The following IL17RD variants were observed in gnomAD, a reference collection of about 807,000 sequenced individuals.
IL17RD encodes interleukin 17 receptor D, also known as interleukin-17 receptor D.
In IL17RD, 52 loss-of-function variants were observed where a neutral mutation model predicts 80.5. The ratio of observed to expected loss-of-function variants is 0.65; its 90% CI spans 0.52 to 0.81. The LOEUF (loss-of-function observed/expected upper bound fraction) is 0.81. IL17RD is among the 40% of genes least tolerant of loss of function. The probability of loss-of-function intolerance (pLI) is 0.00; values close to 1 mark genes in which losing one functional copy is unlikely to be tolerated. For synonymous variants in IL17RD, 416 were observed against 391.8 expected, an observed-to-expected ratio of 1.06 and a Z score of -0.73; for missense variants, 1,024 against 955.1, an observed-to-expected ratio of 1.07 and a Z score of -0.95.
rs777077591 is a variant in IL17RD at position 57,091,970 on chromosome 3, ACT to A, written c.*4421_*4422del. On this transcript the variant is annotated 3_prime_UTR_variant, in exon 13 of 13. Coordinates refer to ENST00000296318, the MANE Select transcript of IL17RD (RefSeq NM_017563.5). ...GTCAGATTTCCTTTTGTCTATTTTCACTCTGAGCCTGGAAAGGAGGTGATATG... is the reference window on the plus strand; with the variant it reads ...GTCAGATTTCCTTTTGTCTATTTTCACTGAGCCTGGAAAGGAGGTGATATG... The A allele has an allele frequency of 1.3e-5, 2 of 152,162 alleles. No homozygotes were observed. The highest frequency in any genetic ancestry group is 2.9e-5 in the Non-Finnish European group (2 of 67,998). The allele number at this position is 152,162 out of a possible 1,614,324, so 9.4% of individuals were successfully genotyped here. A position where few individuals can be genotyped will look rare whatever the true frequency, so the allele number is the denominator to read the frequency against.
At chr3:57,134,829 G>C (rs991341003) in intron 1 of IL17RD, 6 of 374,608 alleles carry the variant, frequency 1.6e-5, no homozygotes, top group African/African-American at 1.1e-4. Context: ...AGCTAAGAAT[G>C]GGGGCTAGGT....
rs1468606345 is a variant in IL17RD at position 57,091,723 on chromosome 3, G to T, written c.*4670C>A. The T allele has an allele frequency of 6.6e-6, 1 of 152,418 alleles. No individual in the cohort carries two copies. The highest frequency in any genetic ancestry group is 1.5e-5 in the Non-Finnish European group (1 of 68,040). The allele number at this position is 152,418 out of a possible 1,614,324, so 9.4% of individuals were successfully genotyped here. On this transcript the variant is annotated 3_prime_UTR_variant, in exon 13 of 13. Coordinates refer to ENST00000296318, the MANE Select transcript of IL17RD (RefSeq NM_017563.5). ...TTCTCCACTACAAGCCGAACAAAAG[G>T]AAGCTGGCTTGAATTTCTCTAAGAC...
chr3:57,112,056 C>A (rs749147298), intron 3 of IL17RD, among the ~76,000 whole-genome samples: 3 of 152,034 alleles, frequency 2.0e-5, no homozygotes, highest in Non-Finnish European at 4.4e-5. Flanking sequence ...GCCTAAAAAC[C>A]GCTACACCAA....
At chr3:57,120,575 G>A (rs976290829) in intron 1 of IL17RD, among the ~76,000 whole-genome samples, 2 of 152,192 alleles carry the variant, frequency 1.3e-5, no homozygotes, top group African/African-American at 4.8e-5. Context: ...GCTGTTCTAT[G>A]TTTAGGGGTT....
At chr3:57,122,004 A>T (rs1003312548) in intron 1 of IL17RD, among the ~76,000 whole-genome samples, 2 of 152,254 alleles carry the variant, frequency 1.3e-5, no homozygotes, top group African/African-American at 4.8e-5. Context: ...ATTTCAAAGA[A>T]GATTAACTGG....
intron 1 of IL17RD, among the ~76,000 whole-genome samples, chr3:57,137,460 T>C (rs761895067): frequency 2.6e-5 from 4 of 151,776 alleles, no homozygotes; most frequent in African/African-American, 7.3e-5. Flanking sequence ...GGTGGGGAGA[T>C]GAGGAAGGAA....
At chr3:57,120,919 G>A (rs1252505080) in intron 1 of IL17RD, among the ~76,000 whole-genome samples, 2 of 152,194 alleles carry the variant, frequency 1.3e-5, no homozygotes, top group African/African-American at 2.4e-5. Flanking sequence ...TCTTACTCTT[G>A]GTGATGTGGC....
chr3:57,134,083 A>G, intron 1 of IL17RD: 1 of 474,972 alleles, frequency 2.1e-6, no homozygotes, highest in East Asian at 3.9e-5. Context: ...GGCTAAACTG[A>G]CTTTAAACTA....
chr3:57,159,690 G>A (rs1452871587), intron 1 of IL17RD, among the ~76,000 whole-genome samples: 1 of 152,136 alleles, frequency 6.6e-6, no homozygotes, highest in Non-Finnish European at 1.5e-5. Context: ...GGAGTAGATG[G>A]GAAATGGAAA....
At chr3:57,117,200 G>A (rs1044133413) in intron 2 of IL17RD, among the ~76,000 whole-genome samples, 1 of 147,654 alleles carries the variant, frequency 6.8e-6, no homozygotes, top group Non-Finnish European at 1.5e-5. Flanking sequence ...TGCAACCTCC[G>A]CCTCCTGGGT....
Position 57,105,536 on chromosome 3 carries a change from C to CAAAAAAAAAAAAA in IL17RD, c.747+308_747+320dup, listed in dbSNP as rs745910085. On this transcript the variant is annotated intron_variant, in intron 7 of 12. Transcript: ENST00000296318. ...TGGGCAACAGAGCAAGACTCCATCTCAAAAAAAAAAAAAAAAATATATATA... is the reference window on the plus strand; with the variant it reads ...TGGGCAACAGAGCAAGACTCCATCTCAAAAAAAAAAAAAAAAAAAAAAAAAAAAAATATATATA... Among the ~76,000 whole-genome samples the CAAAAAAAAAAAAA allele has an allele frequency of 2.6e-3, 94 of 35,582 alleles. 7 individuals carry two copies. Among genetic ancestry groups the CAAAAAAAAAAAAA allele is most frequent in the South Asian group, 7.0e-3 (4 of 574 alleles). 23.3% of individuals were successfully genotyped at this position (35,582 alleles called of 152,430 possible). A position where few individuals can be genotyped will look rare whatever the true frequency, so the allele number is the denominator to read the frequency against.
intron 1 of IL17RD, among the ~76,000 whole-genome samples, chr3:57,127,043 TCAAACTCCTGACCTCAG>T: frequency 6.6e-6 from 1 of 150,832 alleles, no homozygotes; most frequent in African/African-American, 2.4e-5. Context: ...CAGGCTGGTC[TCAAACTCCTGACCTCAG>T]GTGATCCACT....
Position 57,097,737 on chromosome 3 carries a change from AG to A in IL17RD, c.1965del (p.Ser656ArgfsTer23). On this transcript the variant is annotated frameshift_variant, in exon 12 of 13. Transcript: ENST00000296318. LOFTEE classifies it high-confidence loss of function. ...PLLHTVKAGS[P>X]SDMPRDSGIY... ...ATGCCTGAGTCCCGCGGCATGTCCG[AG>A]GGGCTGCCGGCTTTCACCGTGTGCA... is the stretch of plus-strand genomic sequence containing the variant. 1 of 1,602,616 alleles carries A rather than the reference AG, an allele frequency of 6.2e-7. No homozygotes were observed. The highest frequency in any genetic ancestry group is 1.7e-4 in the Middle Eastern group (1 of 6,000).
At position 57,091,245 on chromosome 3, in the gene IL17RD, A is replaced by G. The variant is rs1706546647; in HGVS notation, c.*5148T>C. On this transcript the variant is annotated 3_prime_UTR_variant, in exon 13 of 13. Coordinates refer to ENST00000296318, the MANE Select transcript of IL17RD (RefSeq NM_017563.5). ...AGGGGTAGCTGCCACTCAGAAGGTAAGAGCTGGTCTCAGAGTATACATCAG... is the reference window on the plus strand; with the variant it reads ...AGGGGTAGCTGCCACTCAGAAGGTAGGAGCTGGTCTCAGAGTATACATCAG... 6.6e-6 allele frequency: 1 copy of G among 152,610 alleles called. No homozygotes were observed. The highest frequency in any genetic ancestry group is 2.4e-5 in the African/African-American group (1 of 41,440). 9.5% of individuals were successfully genotyped at this position (152,610 alleles called of 1,614,324 possible).
chr3:57,103,203 G>A, intron 8 of IL17RD, 58 bp from the exon 9 acceptor site: 1 of 1,391,436 alleles, frequency 7.2e-7, no homozygotes, highest in Non-Finnish European at 9.9e-7. Flanking sequence ...CCAGGTAAGT[G>A]GAAAAAAATG....
rs575405963 is a variant in IL17RD, at chr3:57,160,006, T to C, written c.126+5155A>G. 4.6e-5 allele frequency among the ~76,000 whole-genome samples: 7 copies of C among 152,258 alleles called. No homozygotes were observed. In the South Asian group the frequency reaches 8.3e-4, roughly 18 times the overall value. The stretch of plus-strand genomic sequence containing the variant: ...GGCCAACATGGTGAAACCCTGTCTC[T>C]ACTAAAAATACAAAAATTAGCTGGG... On this transcript the variant is annotated intron_variant, in intron 1 of 12. Transcript: ENST00000296318.
chr3:57,142,514 C>A, intron 1 of IL17RD: 1 of 1,288,142 alleles, frequency 7.8e-7, no homozygotes, highest in South Asian at 1.2e-5. Context: ...CATCCCTCCC[C>A]CTCCAACCGC....
chr3:57,127,379 A>ATAT lies in IL17RD; in HGVS notation c.127-7067_127-7066insATA. 2.4e-5 allele frequency among the ~76,000 whole-genome samples: 2 copies of ATAT among 82,250 alleles called. 1 individual carries two copies. The highest frequency in any genetic ancestry group is 7.2e-4 in the South Asian group (2 of 2,782). The allele number at this position is 82,250 out of a possible 152,430, so 54.0% of individuals were successfully genotyped here. ...ATATAAATATAAATATATATATATA[A>ATAT]ATAAATAAATAAATAAATATATATA... On this transcript the variant is annotated intron_variant, in intron 1 of 12. Coordinates refer to ENST00000296318, the MANE Select transcript of IL17RD (RefSeq NM_017563.5).
At chr3:57,160,360 A>G (rs1443192252) in intron 1 of IL17RD, among the ~76,000 whole-genome samples, 2 of 152,138 alleles carry the variant, frequency 1.3e-5, no homozygotes, top group African/African-American at 4.8e-5. Flanking sequence ...AAATACTTAA[A>G]AGCACTAGCA....
Sources: gnomAD v4.1 joint callset for allele counts (sites outside exome capture counted in the v4.1 genomes callset) on GRCh38, gnomAD v4.1.1 for gene constraint, MANE v1.5 for transcripts, NCBI Gene and HGNC (gene_info 2026-07-23, HGNC 2026-07-21) for gene names.